The following EFNA5 variants were observed in gnomAD, a reference collection of about 807,000 sequenced individuals.
The protein encoded by EFNA5 is ephrin A5.
In EFNA5, 5 loss-of-function variants were observed where a neutral mutation model predicts 22.9. The observed-to-expected ratio is 0.22, with a 90% CI of 0.11 to 0.46. The LOEUF is 0.46. EFNA5 is among the 20% of genes least tolerant of loss of function. The probability of loss-of-function intolerance (pLI) is 0.99; values close to 1 mark genes in which losing one functional copy is unlikely to be tolerated. For synonymous variants in EFNA5, 113 were observed against 112.2 expected, an observed-to-expected ratio of 1.01 and a Z score of -0.04; for missense variants, 237 against 293.3, an observed-to-expected ratio of 0.81 and a Z score of 1.40.
chr5:107,496,164 TAAAAAAAAAAA>T (rs35565454), intron 1 of EFNA5, among the ~76,000 whole-genome samples: 1 of 93,194 alleles, frequency 1.1e-5, no homozygotes, highest in African/African-American at 4.3e-5. Context: ...CTGTCTCTGC[TAAAAAAAAAAA>T]AAAAAAAAAA....
At chr5:107,423,035 C>A (rs1748713272) in intron 2 of EFNA5, among the ~76,000 whole-genome samples, 1 of 152,110 alleles carries the variant, frequency 6.6e-6, no homozygotes, top group African/African-American at 2.4e-5. Context: ...TTATCTTTTA[C>A]CCTAATGCTG....
chr5:107,414,108 C>T (rs1247263956), intron 2 of EFNA5, among the ~76,000 whole-genome samples: 1 of 152,140 alleles, frequency 6.6e-6, no homozygotes, highest in Non-Finnish European at 1.5e-5. Flanking sequence ...GCAGGAAAAA[C>T]AGCTGGAGGG....
rs1748132456 is a variant in EFNA5 at position 107,545,730 on chromosome 5, T to A, written c.126-118221A>T. ...TCAACAGCACACAAATGCAAGGGAG[T>A]TTTGTTGGCAAGAAGGGCCTCTGAT... On this transcript the variant is annotated intron_variant, in intron 1 of 4. Transcript: ENST00000333274. 2.0e-5 allele frequency among the ~76,000 whole-genome samples: 3 copies of A among 151,702 alleles called. No individual in the cohort carries two copies. In the South Asian group the frequency reaches 6.3e-4, roughly 32 times the overall value.
At chr5:107,482,992 G>A (rs1230958488) in intron 1 of EFNA5, among the ~76,000 whole-genome samples, 1 of 151,790 alleles carries the variant, frequency 6.6e-6, no homozygotes, top group African/African-American at 2.4e-5. Flanking sequence ...TTCACGCACT[G>A]GTGCCAATGT....
At position 107,666,319 on chromosome 5, in the gene EFNA5, GA is replaced by G. The variant is rs942777632; in HGVS notation, c.125+4169del. Among the ~76,000 whole-genome samples, 717 of 151,582 alleles carry G rather than the reference GA, an allele frequency of 4.7e-3. 4 individuals are homozygous for G. The highest frequency in any genetic ancestry group is 0.016 in the African/African-American group (675 of 41,314). On this transcript the variant is annotated intron_variant, in intron 1 of 4. Transcript: ENST00000333274. Reference sequence around the variant, plus strand: ...AAAATACTCAAGGGAATATGATTAGGAAAAAAAAAATGTTACTACTTCTCTC... The same window carrying G: ...AAAATACTCAAGGGAATATGATTAGGAAAAAAAAATGTTACTACTTCTCTC...
chr5:107,588,139 CA>C (rs1187080943), intron 1 of EFNA5, among the ~76,000 whole-genome samples: 2 of 152,150 alleles, frequency 1.3e-5, no homozygotes, highest in African/African-American at 2.4e-5. Context: ...AGAAGTTAAT[CA>C]AACCAACCCA....
intron 1 of EFNA5, among the ~76,000 whole-genome samples, chr5:107,453,678 A>T (rs372023012): frequency 7.9e-5 from 12 of 152,290 alleles, no homozygotes; most frequent in East Asian, 7.7e-4. Context: ...TGTGGTCTCA[A>T]TTTAAAATAC....
intron 1 of EFNA5, among the ~76,000 whole-genome samples, chr5:107,460,084 G>A (rs1273740315): frequency 6.6e-6 from 1 of 152,144 alleles, no homozygotes; most frequent in African/African-American, 2.4e-5. Context: ...GATGACTGTA[G>A]CCAATAAGGA....
rs1747339565 is a variant in EFNA5, at chr5:107,378,506, C to T, written c.*2749G>A. Reference sequence around the variant, plus strand: ...CTCCTAAGCCCCCAGAGGATTGTAACACCACCACAAAAGGCCACCAACACT... The same window carrying T: ...CTCCTAAGCCCCCAGAGGATTGTAATACCACCACAAAAGGCCACCAACACT... On this transcript the variant is annotated 3_prime_UTR_variant, in exon 5 of 5. Transcript: ENST00000333274. 6.6e-6 allele frequency: 1 copy of T among 152,142 alleles called. No individual in the cohort carries two copies. The highest frequency in any genetic ancestry group is 1.5e-5 in the Non-Finnish European group (1 of 68,018). The allele number at this position is 152,142 out of a possible 1,614,324, so 9.4% of individuals were successfully genotyped here.
At chr5:107,413,662 G>A (rs952249012) in intron 2 of EFNA5, among the ~76,000 whole-genome samples, 1 of 152,020 alleles carries the variant, frequency 6.6e-6, no homozygotes, top group Non-Finnish European at 1.5e-5. Flanking sequence ...AACACAGCTT[G>A]CCACTTTGAA....
intron 1 of EFNA5, among the ~76,000 whole-genome samples, chr5:107,601,458 C>A (rs973464698): frequency 6.6e-6 from 1 of 152,146 alleles, no homozygotes; most frequent in Admixed American, 6.5e-5. Flanking sequence ...TCTGAGAAAA[C>A]AACCAAAATG....
intron 1 of EFNA5, among the ~76,000 whole-genome samples, chr5:107,432,138 C>T (rs1223032059): frequency 2.0e-5 from 3 of 152,172 alleles, no homozygotes; most frequent in Non-Finnish European, 4.4e-5. Context: ...TCCCAAACTC[C>T]TAAACTGGAA....
intron 2 of EFNA5, among the ~76,000 whole-genome samples, chr5:107,396,685 T>C (rs1192579541): frequency 1.3e-5 from 2 of 151,938 alleles, no homozygotes; most frequent in Non-Finnish European, 2.9e-5. Context: ...TACCATAGTT[T>C]GACTTGTTAT....
intron 2 of EFNA5, among the ~76,000 whole-genome samples, chr5:107,397,200 A>G (rs1376226388): frequency 6.6e-6 from 1 of 152,090 alleles, no homozygotes; most frequent in Non-Finnish European, 1.5e-5. Context: ...GCAGTGAGCT[A>G]TGATTGTGCC....
chr5:107,412,306 T>C (rs894589675), intron 2 of EFNA5, among the ~76,000 whole-genome samples: 1 of 152,184 alleles, frequency 6.6e-6, no homozygotes, highest in Non-Finnish European at 1.5e-5. Flanking sequence ...AAAATACAGA[T>C]TTCCTCAAAT....
At position 107,482,814 on chromosome 5, in the gene EFNA5, GTCTC is replaced by G. The variant is rs200778465; in HGVS notation, c.126-55309_126-55306del. On this transcript the variant is annotated intron_variant, in intron 1 of 4. Coordinates refer to ENST00000333274, the MANE Select transcript of EFNA5 (RefSeq NM_001962.3). Reference sequence around the variant, plus strand: ...TTGGCTGCTCTCTCTCTCTCTCTCTGTCTCTCTCTCTGTCTCTGTCTCTCTCTCT... The same window carrying G: ...TTGGCTGCTCTCTCTCTCTCTCTCTGTCTCTCTGTCTCTGTCTCTCTCTCT... 7.6e-3 allele frequency among the ~76,000 whole-genome samples: 553 copies of G among 73,216 alleles called. 7 individuals carry two copies. The highest frequency in any genetic ancestry group is 0.012 in the Non-Finnish European group (354 of 29,610). The allele number at this position is 73,216 out of a possible 152,430, so 48.0% of individuals were successfully genotyped here.
chr5:107,449,504 T>C (rs550509559), intron 1 of EFNA5, among the ~76,000 whole-genome samples: 4 of 151,758 alleles, frequency 2.6e-5, no homozygotes, highest in Admixed American at 2.6e-4. Flanking sequence ...TATCACATCA[T>C]CCCTCCCCGC....
At chr5:107,509,199 A>G (rs549132913) in intron 1 of EFNA5, among the ~76,000 whole-genome samples, 2 of 152,246 alleles carry the variant, frequency 1.3e-5, no homozygotes, top group African/African-American at 2.4e-5. Context: ...CCATTAATAC[A>G]TAAGAGCAGA....
At chr5:107,585,573 G>T (rs1337329889) in intron 1 of EFNA5, among the ~76,000 whole-genome samples, 1 of 152,166 alleles carries the variant, frequency 6.6e-6, no homozygotes, top group East Asian at 1.9e-4. Flanking sequence ...CACAAATAAG[G>T]GAAGAGTTTT....
Sources: allele counts gnomAD v4.1 joint callset (sites outside exome capture counted in the v4.1 genomes callset), GRCh38; gene constraint gnomAD v4.1.1; transcripts MANE v1.5; gene names NCBI Gene and HGNC (gene_info 2026-07-23, HGNC 2026-07-21).